CARF: variants seen among roughly 807,000 people sequenced by gnomAD.
CARF encodes calcium-responsive transcription factor.
Under a neutral mutation model 82.0 loss-of-function variants are expected in CARF, and 57 were observed. The ratio of observed to expected loss-of-function variants is 0.70; its 90% CI spans 0.56 to 0.87. The LOEUF (loss-of-function observed/expected upper bound fraction) is 0.87. Among genes scored for constraint, CARF ranks in the 40% least tolerant of loss-of-function variants. CARF has a pLI of 0.00. For missense variants in CARF, 771 were observed against 855.8 expected, an observed-to-expected ratio of 0.90 and a Z score of 1.24; for synonymous variants, 268 against 290.1, an observed-to-expected ratio of 0.92 and a Z score of 0.77.
chr2:202,974,410 A>G lies in CARF; in HGVS notation c.1408A>G (p.Asn470Asp), dbSNP rs1312233970. 1 of 1,611,390 alleles carries G rather than the reference A, an allele frequency of 6.2e-7. No individual in the cohort carries two copies. Among genetic ancestry groups the G allele is most frequent in the Admixed American group, 1.7e-5 (1 of 59,328 alleles). The change falls in exon 13 of 17, where the codon AAT becomes GAT. Residue 470 changes from asparagine (N) to aspartate (D), a missense_variant. Asn to Asp is a conservative substitution (Grantham distance 23). Coordinates refer to ENST00000438828, the MANE Select transcript of CARF (RefSeq NM_024744.17). ...RHNLSFFPTV[N>D]DIKNHIHEVQ... is the part of the protein sequence containing the mutation. ...TAATTTATCTTTTTTTCCAACTGTA[A>G]ATGATATAAAAAATCACATCCATGA...
Position 202,944,151 on chromosome 2 carries a change from T to C in CARF, c.306+1184T>C, listed in dbSNP as rs531209249. Among the ~76,000 whole-genome samples the C allele has an allele frequency of 5.9e-5, 9 of 152,306 alleles. No individual in the cohort carries two copies. In the East Asian group the frequency reaches 1.7e-3, roughly 29 times the overall value. ...ATAAAGATAAAAAGATGAGGATGGC[T>C]AAATACTTTTCAAACTGTTGGCTAA... is the stretch of plus-strand genomic sequence containing the variant. On this transcript the variant is annotated intron_variant, in intron 5 of 16. Coordinates refer to ENST00000438828, the MANE Select transcript of CARF (RefSeq NM_024744.17).
Position 202,922,194 on chromosome 2 carries a change from G to A in CARF, c.-162-2103G>A, listed in dbSNP as rs1289889082. 2.6e-5 allele frequency among the ~76,000 whole-genome samples: 4 copies of A among 151,978 alleles called. 1 individual carries two copies. The South Asian group carries it at 6.2e-4, about 24-fold the overall frequency. Reference sequence around the variant, plus strand: ...CCTGTCATGATCATGGTTCACTGCAGCCTCAATGTCCTGGGCTCAGGCAAT... The same window carrying A: ...CCTGTCATGATCATGGTTCACTGCAACCTCAATGTCCTGGGCTCAGGCAAT... On this transcript the variant is annotated intron_variant, in intron 2 of 16. Transcript: ENST00000438828.
chr2:202,937,237 A>C (rs1694092407), intron 3 of CARF, among the ~76,000 whole-genome samples: 1 of 152,220 alleles, frequency 6.6e-6, no homozygotes, highest in South Asian at 2.1e-4. Flanking sequence ...TTATAAATTG[A>C]TATATTATCT....
At chr2:202,921,221 T>C (rs994380040) in intron 2 of CARF, among the ~76,000 whole-genome samples, 3 of 152,204 alleles carry the variant, frequency 2.0e-5, no homozygotes, top group Non-Finnish European at 4.4e-5. Flanking sequence ...CAGGATGGTC[T>C]TGACCTCCTG....
In CARF at chr2:202,944,980, C is replaced by G. The variant is rs187775767; in HGVS notation, c.306+2013C>G. On this transcript the variant is annotated intron_variant, in intron 5 of 16. Transcript: ENST00000438828. ...GGTGGTTTTACATTGTTTAGGTAGG[C>G]GATGACACAGAAGGTTATTTGAAAC... is the stretch of plus-strand genomic sequence containing the variant. Among the ~76,000 whole-genome samples, 2 of 151,764 alleles carry G rather than the reference C, an allele frequency of 1.3e-5. 1 individual carries two copies. The highest frequency in any genetic ancestry group is 1.3e-4 in the Admixed American group (2 of 15,238).
chr2:202,951,978 G>A lies in CARF; in HGVS notation c.307-581G>A, dbSNP rs925157494. ...CTCCTGAGTACCTGGGATTACAGGC[G>A]CGTGCCACCATGTCCAGCTAATTTT... On this transcript the variant is annotated intron_variant, in intron 5 of 16. Transcript: ENST00000438828. 5.9e-5 allele frequency among the ~76,000 whole-genome samples: 9 copies of A among 151,766 alleles called. No individual in the cohort carries two copies. The South Asian group carries it at 6.2e-4, about 11-fold the overall frequency.
rs1221289002 is a variant in CARF, at chr2:202,985,748, CAAT to C, written c.*2126_*2128del. 1.3e-5 allele frequency: 2 copies of C among 152,094 alleles called. No individual in the cohort carries two copies. Among genetic ancestry groups the C allele is most frequent in the Non-Finnish European group, 2.9e-5 (2 of 67,970 alleles). The allele number at this position is 152,094 out of a possible 1,614,324, so 9.4% of individuals were successfully genotyped here. A position where few individuals can be genotyped will look rare whatever the true frequency, so the allele number is the denominator to read the frequency against. On this transcript the variant is annotated 3_prime_UTR_variant, in exon 17 of 17. Coordinates refer to ENST00000438828, the MANE Select transcript of CARF (RefSeq NM_024744.17). The stretch of plus-strand genomic sequence containing the variant: ...TTCTAAATAATAAATCGTTACGTCT[CAAT>C]AGTGGTAATAGTGGTAATGGTTTAT...
rs1279680735 is a variant in CARF at position 202,943,262 on chromosome 2, C to T, written c.306+295C>T. On this transcript the variant is annotated intron_variant, in intron 5 of 16. Transcript: ENST00000438828. ...CATTTTTTTGTATTTTTAATAGAGA[C>T]AGGATTTCACCATGTTGGCCAGGCT... Among the ~76,000 whole-genome samples the T allele has an allele frequency of 2.0e-5, 3 of 152,120 alleles. No individual in the cohort carries two copies. In the East Asian group the frequency reaches 5.8e-4, roughly 30 times the overall value.
At chr2:202,960,702 C>T (rs948115546) in intron 8 of CARF, among the ~76,000 whole-genome samples, 1 of 149,322 alleles carries the variant, frequency 6.7e-6, no homozygotes, top group African/African-American at 2.4e-5. Flanking sequence ...TCCTGCCTTC[C>T]CACCTTCCCG....
chr2:202,947,751 T>C (rs776495510), intron 5 of CARF, among the ~76,000 whole-genome samples: 7 of 152,256 alleles, frequency 4.6e-5, no homozygotes, highest in Admixed American at 2.0e-4. Context: ...TGCTGGATAA[T>C]AGACCTTTGT....
At chr2:202,937,619 AT>A in intron 3 of CARF, among the ~76,000 whole-genome samples, 1 of 149,762 alleles carries the variant, frequency 6.7e-6, no homozygotes, top group East Asian at 1.9e-4. Context: ...TTTTTTTGTT[AT>A]TTGTTTATTT....
rs912492465 is a variant in CARF at position 202,939,791 on chromosome 2, A to G, written c.-43-2069A>G. Among the ~76,000 whole-genome samples the G allele has an allele frequency of 9.7e-5, 14 of 143,840 alleles. No individual in the cohort carries two copies. The Admixed American group carries it at 1.0e-3, about 10-fold the overall frequency. 94.4% of individuals were successfully genotyped at this position (143,840 alleles called of 152,430 possible). On this transcript the variant is annotated intron_variant, in intron 3 of 16. Transcript: ENST00000438828. ...GCGGCCTCAGACTCCTGAACTCAAG[A>G]GATCCTCCCACCTCAGCCTCCTGAG...
chr2:202,964,049 C>G (rs1302949657), intron 9 of CARF, among the ~76,000 whole-genome samples: 4 of 151,678 alleles, frequency 2.6e-5, no homozygotes, highest in African/African-American at 9.7e-5. Flanking sequence ...GATAGATAGC[C>G]ACACCAAGAG....
chr2:202,973,526 T>A, intron 12 of CARF: 2 of 406,568 alleles, frequency 4.9e-6, no homozygotes, highest in Middle Eastern at 3.5e-4. Flanking sequence ...TTGGAAGCAA[T>A]GTAACATGAT....
At chr2:202,957,071 G>A (rs2059087142) in intron 8 of CARF, among the ~76,000 whole-genome samples, 1 of 152,148 alleles carries the variant, frequency 6.6e-6, no homozygotes, top group South Asian at 2.1e-4. Context: ...TTACAGGCAT[G>A]AGCCACCGCG....
At chr2:202,916,915 A>G (rs939554147) in intron 1 of CARF, among the ~76,000 whole-genome samples, 3 of 152,174 alleles carry the variant, frequency 2.0e-5, no homozygotes, top group Admixed American at 6.6e-5. Flanking sequence ...TTCCCAGAAT[A>G]AAAACGCTGA....
In CARF at chr2:202,930,866, C is replaced by A. The variant is rs188444890; in HGVS notation, c.-44+6451C>A. On this transcript the variant is annotated intron_variant, in intron 3 of 16. Coordinates refer to ENST00000438828, the MANE Select transcript of CARF (RefSeq NM_024744.17). ...TCTTCTTCCTCTCCCTTAGCCTATTCAACTTATATTTAGATGATGAGGATG... is the reference window on the plus strand; with the variant it reads ...TCTTCTTCCTCTCCCTTAGCCTATTAAACTTATATTTAGATGATGAGGATG... Among the ~76,000 whole-genome samples, 7 of 151,728 alleles carry A rather than the reference C, an allele frequency of 4.6e-5. No homozygotes were observed. The East Asian group carries it at 1.2e-3, about 25-fold the overall frequency.
At chr2:202,918,485 G>A (rs1457239223) in intron 2 of CARF, among the ~76,000 whole-genome samples, 2 of 152,008 alleles carry the variant, frequency 1.3e-5, no homozygotes, top group Non-Finnish European at 2.9e-5. Flanking sequence ...CTTGCAGTGA[G>A]TGCCACTGCA....
At chr2:202,957,812 G>A (rs532052071) in intron 8 of CARF, among the ~76,000 whole-genome samples, 6 of 152,114 alleles carry the variant, frequency 3.9e-5, no homozygotes, top group East Asian at 3.9e-4. Context: ...AAAATTAGCC[G>A]GGCATGGTAG....
Sources: gnomAD v4.1 joint callset for allele counts (sites outside exome capture counted in the v4.1 genomes callset) on GRCh38, gnomAD v4.1.1 for gene constraint, MANE v1.5 for transcripts, NCBI Gene and HGNC (gene_info 2026-07-23, HGNC 2026-07-21) for gene names.